The following UIMC1 variants were observed in gnomAD, a reference collection of about 807,000 sequenced individuals.
UIMC1 encodes ubiquitin interaction motif containing 1, also known as BRCA1-A complex subunit RAP80.
A neutral mutation model predicts 84.9 loss-of-function variants in UIMC1; 42 were observed. The ratio of observed to expected loss-of-function variants is 0.49; its 90% CI spans 0.39 to 0.64. The LOEUF is 0.64. UIMC1 is among the 30% of genes least tolerant of loss of function. The pLI is 0.00. For missense variants in UIMC1, 825 were observed against 847.6 expected, an observed-to-expected ratio of 0.97 and a Z score of 0.33; for synonymous variants, 281 against 293.0, an observed-to-expected ratio of 0.96 and a Z score of 0.42.
intron 9 of UIMC1, among the ~76,000 whole-genome samples, chr5:176,948,002 C>T (rs1239272435): frequency 6.6e-6 from 1 of 151,942 alleles, no homozygotes; most frequent in African/African-American, 2.4e-5. Context: ...TCCATCCCTC[C>T]CCCACCCAAT....
chr5:177,019,267 T>C (rs1775737881), intron 1 of UIMC1, among the ~76,000 whole-genome samples: 1 of 152,184 alleles, frequency 6.6e-6, no homozygotes, highest in African/African-American at 2.4e-5. Flanking sequence ...TTCTTTATCA[T>C]CACTTATGAA....
chr5:176,997,534 A>C lies in UIMC1; in HGVS notation c.-9+9116T>G, dbSNP rs546970437. Among the ~76,000 whole-genome samples, 5 of 152,088 alleles carry C rather than the reference A, an allele frequency of 3.3e-5. No individual in the cohort carries two copies. The South Asian group carries it at 8.3e-4, about 25-fold the overall frequency. On this transcript the variant is annotated intron_variant, in intron 1 of 14. Transcript: ENST00000511320. ...CCCGTTTCTACTAAAATTACAAAAA[A>C]ATTAGCCGGGCGTGGTGGCGGGCCC...
At chr5:176,936,928 T>C (rs915051037) in intron 10 of UIMC1, among the ~76,000 whole-genome samples, 3 of 152,256 alleles carry the variant, frequency 2.0e-5, no homozygotes, top group African/African-American at 7.2e-5. Context: ...GTATATTTAC[T>C]GTTTTCTTGT....
At chr5:176,968,372 C>T (rs1254563640) in intron 6 of UIMC1, among the ~76,000 whole-genome samples, 183 bp downstream of exon 6, 1 of 137,334 alleles carries the variant, frequency 7.3e-6, no homozygotes, top group Non-Finnish European at 1.6e-5. Context: ...GACTCCAACT[C>T]AAAAAAAAAA....
At chr5:176,985,146 G>C (rs900394457) in intron 1 of UIMC1, among the ~76,000 whole-genome samples, 2 of 151,884 alleles carry the variant, frequency 1.3e-5, no homozygotes, top group African/African-American at 4.8e-5. Context: ...GGGAAAAAAT[G>C]GTTTTTTTTT....
At chr5:176,992,230 A>C (rs1171153624) in intron 1 of UIMC1, among the ~76,000 whole-genome samples, 1 of 152,206 alleles carries the variant, frequency 6.6e-6, no homozygotes, top group Non-Finnish European at 1.5e-5. Flanking sequence ...GGATTAACTA[A>C]AATTGTGTGT....
chr5:176,979,328 G>A (rs1581623281), intron 2 of UIMC1, among the ~76,000 whole-genome samples: 2 of 152,156 alleles, frequency 1.3e-5, no homozygotes, highest in East Asian at 3.8e-4. Flanking sequence ...CTTTAGAAAG[G>A]TGGAAAAGAG....
intron 2 of UIMC1, among the ~76,000 whole-genome samples, chr5:176,977,691 C>T (rs1211027063): frequency 6.6e-6 from 1 of 151,714 alleles, no homozygotes; most frequent in African/African-American, 2.4e-5. Flanking sequence ...GGGTGGATCA[C>T]CTGAGGTCAG....
At chr5:176,972,187 T>G (rs553662874) in intron 3 of UIMC1, among the ~76,000 whole-genome samples, 1 of 143,554 alleles carries the variant, frequency 7.0e-6, no homozygotes, top group Admixed American at 6.9e-5. Context: ...GATCATGAGA[T>G]CAGGAGATCG....
chr5:177,011,575 C>T (rs1303722506), upstream of UIMC1, among the ~76,000 whole-genome samples: 1 of 151,560 alleles, frequency 6.6e-6, no homozygotes, highest in African/African-American at 2.4e-5. Context: ...AGAGTGAGAC[C>T]TTGTCTTTAA....
intron 6 of UIMC1, among the ~76,000 whole-genome samples, chr5:176,966,389 C>G (rs1581569317): frequency 1.3e-5 from 2 of 152,282 alleles, no homozygotes; most frequent in South Asian, 2.1e-4. Flanking sequence ...ACACAAAAAT[C>G]AGAACTCAAC....
chr5:176,977,582 CAAAAAAAAA>C (rs1270486136), intron 2 of UIMC1, among the ~76,000 whole-genome samples: 9 of 47,814 alleles, frequency 1.9e-4, no homozygotes, highest in Non-Finnish European at 3.6e-4. Flanking sequence ...GACTCCATCT[CAAAAAAAAA>C]AAAAAAGAAA....
intron 6 of UIMC1, among the ~76,000 whole-genome samples, chr5:176,966,317 T>G (rs192533240): frequency 6.6e-6 from 1 of 152,236 alleles, no homozygotes; most frequent in Non-Finnish European, 1.5e-5. Flanking sequence ...TCCCACTGTA[T>G]AGACGTGAAA....
intron 13 of UIMC1, among the ~76,000 whole-genome samples, chr5:176,906,765 T>C (rs781230677): frequency 3.3e-5 from 5 of 152,180 alleles, no homozygotes; most frequent in Admixed American, 2.0e-4. Context: ...CACAAAACAA[T>C]AGAAGGAAGC....
In UIMC1 at chr5:176,969,198, G is replaced by C. The variant is rs758642310; in HGVS notation, c.557C>G (p.Thr186Ser). The C allele has an allele frequency of 1.6e-5, 26 of 1,614,196 alleles. No individual in the cohort carries two copies. The East Asian group carries it at 5.6e-4, about 35-fold the overall frequency. Residue 186 changes from threonine (T) to serine (S), a missense_variant, in exon 6 of 15, where the codon ACT becomes AGT. Transcript: ENST00000511320. Reference sequence around the variant, plus strand: ...GACCGGCTCCTCTTCAGTTTTTTCAGTGTGGTCCCAAGGCTCCTCTCTTTC... The same window carrying C: ...GACCGGCTCCTCTTCAGTTTTTTCACTGTGGTCCCAAGGCTCCTCTCTTTC... The part of the protein sequence containing the change: ...AEEREEPWDH[T>S]EKTEEEPVSG...
chr5:176,923,552 G>C (rs1761967006), intron 10 of UIMC1, among the ~76,000 whole-genome samples: 1 of 124,342 alleles, frequency 8.0e-6, no homozygotes, highest in African/African-American at 2.9e-5. Flanking sequence ...TGTATCAAAA[G>C]CAAAAAAAAA....
At chr5:176,998,971 T>C (rs1774048624) in intron 1 of UIMC1, among the ~76,000 whole-genome samples, 2 of 151,892 alleles carry the variant, frequency 1.3e-5, no homozygotes, top group Non-Finnish European at 2.9e-5. Flanking sequence ...AGGAGGACTG[T>C]TTGAGCTAGG....
At chr5:176,946,151 C>T (rs1412253800) in intron 9 of UIMC1, among the ~76,000 whole-genome samples, 4 of 152,124 alleles carry the variant, frequency 2.6e-5, no homozygotes, top group African/African-American at 9.7e-5. Flanking sequence ...GACCAGAAGG[C>T]AGTGACCCGC....
intron 1 of UIMC1, chr5:177,001,453 T>C (rs1462526925): frequency 2.6e-5 from 4 of 152,156 alleles, no homozygotes; most frequent in Non-Finnish European, 5.9e-5. Flanking sequence ...ATAGTAAACA[T>C]ATCAATTCTC....
Sources: allele counts gnomAD v4.1 joint callset (sites outside exome capture counted in the v4.1 genomes callset), GRCh38; gene constraint gnomAD v4.1.1; transcripts MANE v1.5; gene names NCBI Gene and HGNC (gene_info 2026-07-23, HGNC 2026-07-21).